Variants in STARD9 observed in about 807,000 individuals in gnomAD.
The protein encoded by STARD9 is stAR-related lipid transfer protein 9.
In STARD9, 346 loss-of-function variants were observed where a neutral mutation model predicts 399.8. The ratio of observed to expected loss-of-function variants is 0.87; its 90% CI spans 0.79 to 0.95. The LOEUF is 0.95. Among genes scored for constraint, STARD9 ranks in the 40% least tolerant of loss-of-function variants. The pLI is 0.00. For missense variants in STARD9, 5,832 were observed against 5,667.5 expected, an observed-to-expected ratio of 1.03 and a Z score of -0.93; for synonymous variants, 2,203 against 2,143.5, an observed-to-expected ratio of 1.03 and a Z score of -0.77.
At position 42,691,386 on chromosome 15, in the gene STARD9, C is replaced by T. The variant is rs1403156854; in HGVS notation, c.9808C>T (p.Pro3270Ser). The change falls in exon 23 of 33, where the codon CCA becomes TCA. Residue 3270 changes from proline (P) to serine (S), a missense_variant. By Grantham distance (74) the Pro-to-Ser change is moderately conservative (BLOSUM62 -1). This residue lies in a region of STARD9 where 5,828 missense variants were observed against 5,651.1 expected (regional missense o/e 1.03). Coordinates refer to ENST00000290607, the MANE Select transcript of STARD9 (RefSeq NM_020759.3). Reference sequence around the variant, plus strand: ...GATTTTATCACAGGGCTTCAAAGACCCAGCCACTGTGTCCTTGAGGCAAAA... The same window carrying T: ...GATTTTATCACAGGGCTTCAAAGACTCAGCCACTGTGTCCTTGAGGCAAAA... ...SKILSQGFKD[P>S]ATVSLRQNET... The T allele has an allele frequency of 9.1e-6, 14 of 1,537,170 alleles. No homozygotes were observed. In the Admixed American group the frequency reaches 2.4e-4, roughly 26 times the overall value.
At chr15:42,620,055 A>G (rs1424327183) in intron 3 of STARD9, among the ~76,000 whole-genome samples, 3 of 152,064 alleles carry the variant, frequency 2.0e-5, no homozygotes, top group Non-Finnish European at 2.9e-5. Flanking sequence ...CCAGGTGACC[A>G]TCTCTTTCCC....
rs188728159 is a variant in STARD9, at chr15:42,651,081, A to C, written c.625A>C (p.Asn209His). The C allele has an allele frequency of 7.8e-6, 12 of 1,531,712 alleles. No homozygotes were observed. The Admixed American group carries it at 2.4e-4, about 30-fold the overall frequency. The allele number at this position is 1,531,712 out of a possible 1,614,324, so 94.9% of individuals were successfully genotyped here. A position where few individuals can be genotyped will look rare whatever the true frequency, so the allele number is the denominator to read the frequency against. The stretch of plus-strand genomic sequence containing the variant: ...CCAACTCTTGGAGGAGGGAATTGCA[A>C]ACAGGTAACAGGTTTGTTTGTTTCT... ...VIQLLEEGIA[N>H]RITAATHVHE... Residue 209 changes from asparagine (N) to histidine (H), a missense_variant, in exon 8 of 33, where the codon AAC becomes CAC. Asn to His is a moderately conservative substitution (Grantham distance 68). Transcript: ENST00000290607.
chr15:42,644,831 C>T (rs1395251533), intron 7 of STARD9, among the ~76,000 whole-genome samples: 1 of 152,156 alleles, frequency 6.6e-6, no homozygotes, highest in African/African-American at 2.4e-5. Context: ...CTTTTATCAA[C>T]TAAGTTTATA....
chr15:42,589,818 C>G (rs11637248), intron 3 of STARD9, among the ~76,000 whole-genome samples: 117,409 of 151,622 alleles, frequency 0.77, 46,797 homozygotes, highest in Non-Finnish European at 0.88. Context: ...TGTTGGCCAG[C>G]CTGGTCTCAA....
chr15:42,586,916 A>G (rs1479729135), intron 3 of STARD9, among the ~76,000 whole-genome samples: 1 of 151,196 alleles, frequency 6.6e-6, no homozygotes, highest in Non-Finnish European at 1.5e-5. Context: ...ATGCAGTGGC[A>G]TGATCTCAGC....
chr15:42,682,776 C>T (rs779118914), intron 22 of STARD9, among the ~76,000 whole-genome samples: 2 of 152,144 alleles, frequency 1.3e-5, no homozygotes, highest in Non-Finnish European at 2.9e-5. Flanking sequence ...CAGGCCTTTC[C>T]CATCTTCCTT....
At chr15:42,576,036 G>C (rs1330205162) in intron 1 of STARD9, among the ~76,000 whole-genome samples, 1 of 152,180 alleles carries the variant, frequency 6.6e-6, no homozygotes, top group South Asian at 2.1e-4. Context: ...GAGGGACGGC[G>C]GCTCGAGGCT....
At chr15:42,656,578 C>T (rs1430767068) in intron 9 of STARD9, among the ~76,000 whole-genome samples, 1 of 151,970 alleles carries the variant, frequency 6.6e-6, no homozygotes, top group Admixed American at 6.6e-5. Context: ...CAGAACCAGC[C>T]CAAATGTCCG....
intron 1 of STARD9, among the ~76,000 whole-genome samples, chr15:42,578,890 C>A (rs1408783666): frequency 1.3e-5 from 2 of 152,152 alleles, no homozygotes; most frequent in Non-Finnish European, 2.9e-5. Context: ...TTTCTTCTTT[C>A]TAAAATGTGT....
At chr15:42,587,774 A>G (rs544840606) in intron 3 of STARD9, among the ~76,000 whole-genome samples, 24 of 152,264 alleles carry the variant, frequency 1.6e-4, no homozygotes, top group Admixed American at 5.9e-4. Flanking sequence ...CGTGTTGGTC[A>G]GGCTGATCTC....
At chr15:42,639,123 C>G (rs1286721911) in intron 7 of STARD9, among the ~76,000 whole-genome samples, 1 of 152,184 alleles carries the variant, frequency 6.6e-6, no homozygotes, top group Non-Finnish European at 1.5e-5. Flanking sequence ...TCAGGAAGAG[C>G]TTCTCTGAGG....
intron 3 of STARD9, among the ~76,000 whole-genome samples, chr15:42,594,504 G>T (rs2058466160): frequency 6.6e-6 from 1 of 152,158 alleles, no homozygotes; most frequent in Non-Finnish European, 1.5e-5. Context: ...TTTGAATCCT[G>T]ATACATAGTA....
intron 20 of STARD9, among the ~76,000 whole-genome samples, chr15:42,679,977 C>T (rs1348071252): frequency 1.3e-5 from 2 of 152,168 alleles, no homozygotes; most frequent in Admixed American, 1.3e-4. Context: ...ATAAGCTTCT[C>T]CAAGCTTCCA....
At chr15:42,592,417 A>G (rs2058416107) in intron 3 of STARD9, among the ~76,000 whole-genome samples, 1 of 152,052 alleles carries the variant, frequency 6.6e-6, no homozygotes, top group Non-Finnish European at 1.5e-5. Flanking sequence ...CCCTGGTGTC[A>G]GCTTCCTGTT....
At chr15:42,699,799 C>T (rs998660593) in intron 26 of STARD9, among the ~76,000 whole-genome samples, 3 of 151,998 alleles carry the variant, frequency 2.0e-5, no homozygotes, top group South Asian at 4.1e-4. Flanking sequence ...CTCCGTCTCC[C>T]GGGTTCAAGC....
rs181739281 is a variant in STARD9 at position 42,581,985 on chromosome 15, A to C, written c.48-1361A>C. 8.0e-4 allele frequency among the ~76,000 whole-genome samples: 121 copies of C among 152,188 alleles called. 2 individuals are homozygous for C. Among genetic ancestry groups the C allele is most frequent in the African/African-American group, 2.2e-3 (92 of 41,528 alleles). On this transcript the variant is annotated intron_variant, in intron 1 of 32. Transcript: ENST00000290607. ...GTGTCGTCAACAACAACAACAACAAAAAAATTAGCTGGGCATGGTAGCAAG... is the reference window on the plus strand; with the variant it reads ...GTGTCGTCAACAACAACAACAACAACAAAATTAGCTGGGCATGGTAGCAAG...
chr15:42,648,218 A>C (rs535425515), intron 7 of STARD9, among the ~76,000 whole-genome samples: 1 of 152,270 alleles, frequency 6.6e-6, no homozygotes, highest in African/African-American at 2.4e-5. Flanking sequence ...GTTAGAGTGC[A>C]GTGGCGCGAT....
intron 3 of STARD9, among the ~76,000 whole-genome samples, chr15:42,626,852 GT>G (rs199980841): frequency 1.0e-4 from 15 of 145,338 alleles, no homozygotes; most frequent in East Asian, 4.0e-4. Flanking sequence ...TTTGATATCA[GT>G]TTTTTTTTTT....
intron 3 of STARD9, among the ~76,000 whole-genome samples, chr15:42,623,730 A>G (rs1046645760): frequency 4.6e-5 from 7 of 152,208 alleles, no homozygotes; most frequent in Non-Finnish European, 7.3e-5. Flanking sequence ...TTAAATACCA[A>G]TTTCCATGGT....
Sources: allele counts gnomAD v4.1 joint callset (sites outside exome capture counted in the v4.1 genomes callset), GRCh38; gene constraint gnomAD v4.1.1; regional missense constraint gnomAD v4.1.1; transcripts MANE v1.5; gene names NCBI Gene and HGNC (gene_info 2026-07-23, HGNC 2026-07-21).